PLXNB3: variants seen among roughly 807,000 people sequenced by gnomAD.
PLXNB3 encodes the protein plexin-B3.
PLXNB3 carries 80 observed loss-of-function variants against 125.7 expected under a neutral mutation model. The observed-to-expected ratio is 0.64, with a 90% CI of 0.53 to 0.77. PLXNB3 has a LOEUF of 0.77. PLXNB3 is among the 30% of genes least tolerant of loss of function. The pLI is 0.00. For missense variants in PLXNB3, 1,836 were observed against 1,729.3 expected (o/e 1.06, Z -1.09); for synonymous variants, 954 against 783.3 (o/e 1.22, Z -3.64).
At chrX:153,769,136 G>GCCT in intron 5 of PLXNB3, 26 bp from the exon 6 acceptor site, 1 of 1,197,991 alleles carries the variant, frequency 8.3e-7, no homozygotes, top group African/African-American at 1.7e-5. Flanking sequence ...CGTGCCCATT[G>GCCT]CCTCTCTGCT....
chrX:153,778,834 C>T (rs2092024731), intron 35 of PLXNB3, 101 bp from the exon 36 acceptor site: 1 of 1,109,626 alleles, frequency 9.0e-7, no homozygotes, highest in Non-Finnish European at 1.2e-6. Context: ...GCAGCCCCTG[C>T]TGGATCCCCA....
intron 29 of PLXNB3, 79 bp downstream of exon 29, chrX:153,777,059 A>G: frequency 1.0e-6 from 1 of 977,947 alleles, no homozygotes; most frequent in Non-Finnish European, 1.4e-6. Flanking sequence ...ATCTGCCTCA[A>G]CTTCATCCCC....
In PLXNB3 at chrX:153,770,202, T is replaced by C; in HGVS notation, c.1740T>C (p.Cys580=). The change falls in exon 8 of 36, where the codon TGT becomes TGC. Residue 580 remains cysteine, a synonymous_variant. Transcript: ENST00000361971. Reference sequence around the variant, plus strand: ...ATGTGGAAGGGCCCCACGTGGCCTGTGTCACCCCTCCCCAAGACCAGGTGC... The same window carrying C: ...ATGTGGAAGGGCCCCACGTGGCCTGCGTCACCCCTCCCCAAGACCAGGTGC... ...LAHVEGPHVA[C]VTPPQDQVPL... is the part of the protein sequence containing the mutation. The C allele has an allele frequency of 8.3e-7, 1 of 1,211,337 alleles. No individual in the cohort carries two copies. The highest frequency in any genetic ancestry group is 1.1e-6 in the Non-Finnish European group (1 of 895,519).
In PLXNB3 at chrX:153,776,959, C is replaced by A. The variant is rs782318199; in HGVS notation, c.4906C>A (p.Gln1636Lys). 8.4e-7 allele frequency: 1 copy of A among 1,186,954 alleles called. No homozygotes were observed. Among genetic ancestry groups the A allele is most frequent in the Non-Finnish European group, 1.1e-6 (1 of 878,306 alleles). ...RGSTISQSLA[Q>K]RCPLGENIPT... is the part of the protein sequence containing the mutation. ...CAGCACCATCTCCCAGAGCCTGGCC[C>A]AGAGGTGCCCCTTGGGAGAGAGTGA... Residue 1636 changes from glutamine to lysine, a missense_variant, in exon 29 of 36, where the codon CAG becomes AAG. Coordinates refer to ENST00000361971, the MANE Select transcript of PLXNB3 (RefSeq NM_005393.3).
Position 153,769,218 on chromosome X carries a change from C to G in PLXNB3, c.1452C>G (p.Leu484=). 4 of 1,177,970 alleles carry G rather than the reference C, an allele frequency of 3.4e-6. No individual in the cohort carries two copies. Among genetic ancestry groups the G allele is most frequent in the Non-Finnish European group, 4.6e-6 (4 of 878,345 alleles). Reference sequence around the variant, plus strand: ...AGTTCCCTGACTGTGCCAGCTGCCTCCAGGCCCAGGACCCGCTGTGTGGCT... The same window carrying G: ...AGTTCCCTGACTGTGCCAGCTGCCTGCAGGCCCAGGACCCGCTGTGTGGCT... The part of the protein sequence containing the change: ...CPQFPDCASC[L]QAQDPLCGWC... The change falls in exon 6 of 36, where the codon CTC becomes CTG. Residue 484 remains leucine, a synonymous_variant. Coordinates refer to ENST00000361971, the MANE Select transcript of PLXNB3 (RefSeq NM_005393.3).
chrX:153,768,473 C>T (rs181032259), intron 4 of PLXNB3, 45 bp downstream of exon 4: 28 of 1,118,448 alleles, frequency 2.5e-5, no homozygotes, highest in South Asian at 6.1e-5. Flanking sequence ...CCCCTGGCCA[C>T]GGAGGCTCAG....
In PLXNB3 at chrX:153,774,912, G is replaced by A. The variant is rs782642884; in HGVS notation, c.3964G>A (p.Asp1322Asn). 1.5e-5 allele frequency: 18 copies of A among 1,190,556 alleles called. No individual in the cohort carries two copies. Among genetic ancestry groups the A allele is most frequent in the Admixed American group, 1.3e-4 (6 of 44,513 alleles). Residue 1322 changes from aspartate to asparagine, a missense_variant, in exon 24 of 36, where the codon GAC becomes AAC. By Grantham distance (23) the Asp-to-Asn change is conservative. Transcript: ENST00000361971. Reference sequence around the variant, plus strand: ...GACGGAGATGACCGACCTCAGCAGCGACCTGGAGGGCAGCGGGATCCCCTT... The same window carrying A: ...GACGGAGATGACCGACCTCAGCAGCAACCTGGAGGGCAGCGGGATCCCCTT... ...LMTEMTDLSSDLEGSGIPFLD... is the reference protein window; with the variant it reads ...LMTEMTDLSSNLEGSGIPFLD...
Position 153,776,878 on chromosome X carries a change from C to T in PLXNB3, c.4834-9C>T, listed in dbSNP as rs1557064558. The T allele has an allele frequency of 8.6e-7, 1 of 1,166,728 alleles. No individual in the cohort carries two copies. The highest frequency in any genetic ancestry group is 1.8e-5 in the African/African-American group (1 of 56,413). Reference sequence around the variant, plus strand: ...GGTCAGCACAGCCTCCGCTCCCCATCTCTGCCAGGTCCCAGATGGAGCAAC... The same window carrying T: ...GGTCAGCACAGCCTCCGCTCCCCATTTCTGCCAGGTCCCAGATGGAGCAAC... On this transcript the variant is annotated splice_polypyrimidine_tract_variant and intron_variant, in intron 28 of 35. Coordinates refer to ENST00000361971, the MANE Select transcript of PLXNB3 (RefSeq NM_005393.3).
intron 2 of PLXNB3, chrX:153,765,823 C>T (rs1557058965): frequency 2.7e-6 from 2 of 753,226 alleles, no homozygotes; most frequent in Non-Finnish European, 3.1e-6. Context: ...CACTCCTGGT[C>T]GGCATGTGAC....
intron 16 of PLXNB3, chrX:153,772,671 A>T: frequency 1.0e-6 from 1 of 995,199 alleles, no homozygotes; most frequent in Non-Finnish European, 1.3e-6. Flanking sequence ...AGGATGAAAG[A>T]GCCCCACTTC....
intron 6 of PLXNB3, 57 bp from the exon 7 acceptor site, chrX:153,769,750 C>G (rs961715237): frequency 1.1e-5 from 13 of 1,136,018 alleles, no homozygotes; most frequent in African/African-American, 5.4e-5. Context: ...CCCCTGTTGC[C>G]GGTCATCCTT....
In PLXNB3 at chrX:153,774,720, A is replaced by G. The variant is rs782284173; in HGVS notation, c.3845A>G (p.Gln1282Arg). ...CCGGGCTGCAGGCACAAGAGCAAGC[A>G]GGCCCTGCGGGACTACCAGAAGGTG... The part of the protein sequence containing the change: ...LTLMYRHKSK[Q>R]ALRDYQKVLV... The change falls in exon 23 of 36, where the codon CAG (glutamine) becomes CGG (arginine). Residue 1282 changes from glutamine (Q) to arginine (R), a missense_variant. Coordinates refer to ENST00000361971, the MANE Select transcript of PLXNB3 (RefSeq NM_005393.3). The G allele has an allele frequency of 2.6e-6, 3 of 1,171,318 alleles. No homozygotes were observed. The South Asian group carries it at 5.9e-5, about 23-fold the overall frequency.
chrX:153,773,620 G>A lies in PLXNB3; in HGVS notation c.3186G>A (p.Arg1062=). The A allele has an allele frequency of 8.3e-7, 1 of 1,204,174 alleles. No homozygotes were observed. Among genetic ancestry groups the A allele is most frequent in the Non-Finnish European group, 1.1e-6 (1 of 892,368 alleles). ...CTGACGCAGAGGTGCAGGCTTCCAG[G>A]GCCCAGCCCCAGGACCCACAGCCAA... is the stretch of plus-strand genomic sequence containing the variant. ...LEADAEVQAS[R]AQPQDPQPRR... Residue 1062 remains arginine, a synonymous_variant, in exon 19 of 36, where the codon AGG becomes AGA. Transcript: ENST00000361971.
In PLXNB3 at chrX:153,772,015, G is replaced by A. The variant is rs140590097; in HGVS notation, c.2669G>A (p.Arg890Gln). ...CCCTCTCTCTACCGCACGTCGGCCC[G>A]GTGAGGCACTTGGAGGGTGAAGATG... ...PEPSLYRTSA[R>Q]IVCVTSPAPN... The change falls in exon 15 of 36, where the codon CGG (arginine) becomes CAG (glutamine). Residue 890 changes from arginine to glutamine, a missense_variant and splice_region_variant. Transcript: ENST00000361971. 5.9e-6 allele frequency: 7 copies of A among 1,185,177 alleles called. No individual in the cohort carries two copies. Among genetic ancestry groups the A allele is most frequent in the South Asian group, 3.8e-5 (2 of 53,069 alleles).
chrX:153,766,098 A>T, intron 2 of PLXNB3: 1 of 1,072,152 alleles, frequency 9.3e-7, no homozygotes, highest in Non-Finnish European at 1.2e-6. Flanking sequence ...ATGGGGCAGG[A>T]GCAGGCCTCC....
rs2091848611 is a variant in PLXNB3, at chrX:153,765,598, G to A, written c.45+18G>A. ...ACTTCATGGTAAGTGCCCAGGCCCG[G>A]TGTCCCCAGAAATGTTCCTGGGAGG... On this transcript the variant is annotated intron_variant, in intron 2 of 35. Coordinates refer to ENST00000361971, the MANE Select transcript of PLXNB3 (RefSeq NM_005393.3). 4 of 1,184,618 alleles carry A rather than the reference G, an allele frequency of 3.4e-6. No individual in the cohort carries two copies. The South Asian group carries it at 7.5e-5, about 22-fold the overall frequency.
At chrX:153,773,103 G>T in intron 17 of PLXNB3, 87 bp downstream of exon 17, 6 of 1,071,974 alleles carry the variant, frequency 5.6e-6, no homozygotes, top group Non-Finnish European at 6.2e-6. Flanking sequence ...GGTTGCTGTG[G>T]CCACCCCCAG....
chrX:153,768,517 C>A (rs959946834), intron 4 of PLXNB3, 89 bp downstream of exon 4: 20 of 880,497 alleles, frequency 2.3e-5, no homozygotes, highest in Non-Finnish European at 4.7e-6. Flanking sequence ...TCTTAGCCCG[C>A]ATCCCACGGT....
intron 6 of PLXNB3, among the ~76,000 whole-genome samples, chrX:153,769,587 C>T (rs1414394010): frequency 8.8e-6 from 1 of 113,126 alleles, no homozygotes; most frequent in Non-Finnish European, 1.9e-5. Flanking sequence ...ACTGTGCGTC[C>T]CTCAGCCCAG....
Sources: gnomAD v4.1 joint callset for allele counts (sites outside exome capture counted in the v4.1 genomes callset) on GRCh38, gnomAD v4.1.1 for gene constraint, MANE v1.5 for transcripts, NCBI Gene and HGNC (gene_info 2026-07-23, HGNC 2026-07-21) for gene names.